COL15A1: variants seen among roughly 807,000 people sequenced by gnomAD.
COL15A1 encodes collagen type XV alpha 1 chain, also known as collagen alpha-1(XV) chain.
COL15A1 carries 111 observed loss-of-function variants against 165.9 expected under a neutral mutation model. The observed-to-expected ratio is 0.67, with a 90% CI of 0.57 to 0.78. The LOEUF is 0.78. Ranked by LOEUF, COL15A1 falls within the 30% of genes least tolerant of loss-of-function variation. COL15A1 has a pLI of 0.00. For missense variants in COL15A1, 1,745 were observed against 1,789.7 expected (o/e 0.98, Z 0.45); for synonymous variants, 659 against 674.8 (o/e 0.98, Z 0.36).
At chr9:98,979,615 T>G (rs1468056888) in intron 2 of COL15A1, among the ~76,000 whole-genome samples, 6 of 151,878 alleles carry the variant, frequency 4.0e-5, no homozygotes, top group Admixed American at 3.9e-4. Flanking sequence ...TTTCATGGTT[T>G]TGGGGTTTTC....
At position 99,036,324 on chromosome 9, in the gene COL15A1, G is replaced by T; in HGVS notation, c.2337G>T (p.Gly779=). 1 of 1,614,126 alleles carries T rather than the reference G, an allele frequency of 6.2e-7. No individual in the cohort carries two copies. The highest frequency in any genetic ancestry group is 8.5e-7 in the Non-Finnish European group (1 of 1,180,020). Residue 779 remains glycine (G), a synonymous_variant, in exon 21 of 42, where the codon GGG becomes GGT. Transcript: ENST00000375001. ...KGDRGPKGER[G]MDGASIVGPP... Reference sequence around the variant, plus strand: ...GCTGCTTTGACCAGGGAGAAAGGGGGATGGATGGAGCCAGTATTGTGGGAC... The same window carrying T: ...GCTGCTTTGACCAGGGAGAAAGGGGTATGGATGGAGCCAGTATTGTGGGAC...
At chr9:99,027,943 G>A (rs1335007126) in intron 16 of COL15A1, among the ~76,000 whole-genome samples, 1 of 152,218 alleles carries the variant, frequency 6.6e-6, no homozygotes, top group Non-Finnish European at 1.5e-5. Context: ...TAAAGGAAAT[G>A]AACAGCTTCA....
At position 99,024,948 on chromosome 9, in the gene COL15A1, A is replaced by AC. The variant is rs1319936505; in HGVS notation, c.1934dup (p.Gly646TrpfsTer11). ...AACCAGGAACTGATGTTTTCATGGG[A>AC]CCCCCTGGATCTCCTGGAGAGGATG... is the stretch of plus-strand genomic sequence containing the variant. On this transcript the variant is annotated frameshift_variant, in exon 15 of 42. Coordinates refer to ENST00000375001, the MANE Select transcript of COL15A1 (RefSeq NM_001855.5). LOFTEE classifies it high-confidence loss of function. 6.2e-7 allele frequency: 1 copy of AC among 1,613,654 alleles called. No homozygotes were observed. Among genetic ancestry groups the AC allele is most frequent in the East Asian group, 2.2e-5 (1 of 44,870 alleles).
intron 41 of COL15A1, among the ~76,000 whole-genome samples, chr9:99,068,951 G>A (rs2118025849): frequency 6.6e-6 from 1 of 152,330 alleles, no homozygotes; most frequent in South Asian, 2.1e-4. Context: ...AGAATTGTGA[G>A]AATAAAATGA....
intron 2 of COL15A1, among the ~76,000 whole-genome samples, chr9:98,978,118 G>T (rs1588499169): frequency 1.3e-5 from 2 of 152,194 alleles, no homozygotes; most frequent in African/African-American, 2.4e-5. Context: ...GGCCATGGAA[G>T]TCTCCCTGAA....
chr9:99,046,889 G>A (rs560166450), intron 26 of COL15A1, among the ~76,000 whole-genome samples: 3 of 152,326 alleles, frequency 2.0e-5, no homozygotes, highest in African/African-American at 4.8e-5. Context: ...TTCCCTAAGA[G>A]TAATACAGAC....
chr9:99,069,529 C>G (rs746717910), intron 41 of COL15A1, 144 bp from the exon 42 acceptor site: 1 of 1,053,036 alleles, frequency 9.5e-7, no homozygotes, highest in Non-Finnish European at 1.4e-6. Context: ...AGAAAGCTAG[C>G]AAGGGCAATG....
At chr9:98,997,222 T>C in intron 6 of COL15A1, 141 bp downstream of exon 6, 1 of 1,030,618 alleles carries the variant, frequency 9.7e-7, no homozygotes. Context: ...ACCACCCTCA[T>C]TTTACAGACA....
chr9:99,054,562 G>A lies in COL15A1; in HGVS notation c.2951-14G>A, dbSNP rs369633140. 2.3e-4 allele frequency: 361 copies of A among 1,596,656 alleles called. 2 individuals carry two copies. In the African/African-American group the frequency reaches 4.1e-3, roughly 18 times the overall value. Reference sequence around the variant, plus strand: ...TTTTCCATTTTTTTTTAACATGTATGTGTTTGGTGGCAGGTGTTAAAGGAG... The same window carrying A: ...TTTTCCATTTTTTTTTAACATGTATATGTTTGGTGGCAGGTGTTAAAGGAG... On this transcript the variant is annotated splice_polypyrimidine_tract_variant and intron_variant, in intron 31 of 41. Transcript: ENST00000375001.
Position 99,015,415 on chromosome 9 carries a change from A to G in COL15A1, c.1354-2A>G, listed in dbSNP as rs1838912583. On this transcript the variant is annotated splice_acceptor_variant, in intron 9 of 41. Transcript: ENST00000375001. LOFTEE classifies it high-confidence loss of function. ...CAGCTCCTCATGCCAATTTCATTTC[A>G]GGGTCCAAGCAGTGAAGACAGTTTA... is the stretch of plus-strand genomic sequence containing the variant. The G allele has an allele frequency of 1.2e-6, 2 of 1,604,918 alleles. No homozygotes were observed. Among genetic ancestry groups the G allele is most frequent in the Non-Finnish European group, 1.7e-6 (2 of 1,173,040 alleles).
chr9:98,953,245 A>G (rs1330965442), intron 2 of COL15A1, among the ~76,000 whole-genome samples: 2 of 152,220 alleles, frequency 1.3e-5, no homozygotes, highest in South Asian at 4.1e-4. Flanking sequence ...CTAAGGTGGT[A>G]TCAGAGGTGT....
chr9:99,004,823 C>T, intron 8 of COL15A1, 75 bp from the exon 9 acceptor site: 1 of 1,577,922 alleles, frequency 6.3e-7, no homozygotes, highest in Non-Finnish European at 8.7e-7. Flanking sequence ...GGGCCCTGGC[C>T]TTCTGTTCCT....
chr9:99,037,021 A>T (rs1839313992), intron 21 of COL15A1, among the ~76,000 whole-genome samples: 1 of 152,236 alleles, frequency 6.6e-6, no homozygotes, highest in South Asian at 2.1e-4. Context: ...ATGTCACAGG[A>T]AACATCTTTA....
chr9:98,974,438 A>G lies in COL15A1; in HGVS notation c.101-11127A>G, dbSNP rs80070814. Among the ~76,000 whole-genome samples the G allele has an allele frequency of 5.3e-5, 8 of 152,284 alleles. No individual in the cohort carries two copies. In the East Asian group the frequency reaches 1.5e-3, roughly 29 times the overall value. On this transcript the variant is annotated intron_variant, in intron 2 of 41. Coordinates refer to ENST00000375001, the MANE Select transcript of COL15A1 (RefSeq NM_001855.5). ...GTAGGGGTGTCCAAAGGGAAGGGAA[A>G]GAACCGTCCCAGAAGATGCAAGAAC... is the stretch of plus-strand genomic sequence containing the variant.
intron 2 of COL15A1, among the ~76,000 whole-genome samples, chr9:98,960,168 G>A (rs189167485): frequency 1.5e-3 from 214 of 139,432 alleles, no homozygotes; most frequent in African/African-American, 5.4e-3. Context: ...AGCACTTTGG[G>A]AGGCCAAGGT....
At chr9:99,000,481 A>C (rs1026872378) in intron 6 of COL15A1, among the ~76,000 whole-genome samples, 1 of 152,132 alleles carries the variant, frequency 6.6e-6, no homozygotes, top group African/African-American at 2.4e-5. Flanking sequence ...ACATTTATCA[A>C]TTGCTTACTA....
intron 30 of COL15A1, 111 bp downstream of exon 30, chr9:99,050,006 G>A (rs988400218): frequency 2.5e-5 from 36 of 1,455,092 alleles, no homozygotes; most frequent in East Asian, 2.0e-4. Flanking sequence ...CCTCTCTGAT[G>A]TCTTCTGTCC....
chr9:99,039,835 A>G (rs1222929954), intron 22 of COL15A1, among the ~76,000 whole-genome samples: 1 of 152,230 alleles, frequency 6.6e-6, no homozygotes, highest in Non-Finnish European at 1.5e-5. Flanking sequence ...GCTCTGTGCA[A>G]GTCATTGTGG....
Position 99,040,556 on chromosome 9 carries a change from A to C in COL15A1, c.2511A>C (p.Pro837=), listed in dbSNP as rs773329194. ...GGTTGCCTGGGCTGCCAGGATTTCC[A>C]GTAAGTACCACCCTCGCTGTCTTCT... ...PDGLPGLPGF[P]GPRGPKGDTG... Residue 837 remains proline (P), a splice_region_variant and synonymous_variant, in exon 23 of 42, where the codon CCA becomes CCC. Coordinates refer to ENST00000375001, the MANE Select transcript of COL15A1 (RefSeq NM_001855.5). 6.2e-7 allele frequency: 1 copy of C among 1,614,182 alleles called. No homozygotes were observed. The highest frequency in any genetic ancestry group is 8.5e-7 in the Non-Finnish European group (1 of 1,180,028).
Sources: gnomAD v4.1 joint callset for allele counts (sites outside exome capture counted in the v4.1 genomes callset) on GRCh38, gnomAD v4.1.1 for gene constraint, MANE v1.5 for transcripts, NCBI Gene and HGNC (gene_info 2026-07-23, HGNC 2026-07-21) for gene names.